CTBP2: variants seen among roughly 807,000 people sequenced by gnomAD.
CTBP2 encodes C-terminal-binding protein 2.
A neutral mutation model predicts 80.3 loss-of-function variants in CTBP2; 30 were observed. The ratio of observed to expected loss-of-function variants is 0.37; its 90% CI spans 0.28 to 0.51. CTBP2 has a LOEUF of 0.51. Ranked by LOEUF, CTBP2 falls within the 20% of genes least tolerant of loss-of-function variation. The pLI is 0.93. For missense variants in CTBP2, 1,212 were observed against 1,375.3 expected, an observed-to-expected ratio of 0.88 and a Z score of 1.88; for synonymous variants, 594 against 587.4, an observed-to-expected ratio of 1.01 and a Z score of -0.16.
intron 1 of CTBP2, among the ~76,000 whole-genome samples, chr10:125,009,022 A>G (rs531387164): frequency 4.8e-4 from 73 of 152,294 alleles, no homozygotes; most frequent in African/African-American, 1.1e-3. Context: ...TTGCTAGCCA[A>G]TCGGGACAAA....
In CTBP2 at chr10:124,993,531, A is replaced by G. The variant is rs1953010352; in HGVS notation, c.2532-202T>C. The stretch of plus-strand genomic sequence containing the variant: ...GTTGTGTAAGAACCGTATAATTGGT[A>G]GATCAAAAAGCCCAATTCTATTGAA... On this transcript the variant is annotated intron_variant, in intron 6 of 8. Transcript: ENST00000309035. Among the ~76,000 whole-genome samples, 5 of 152,204 alleles carry G rather than the reference A, an allele frequency of 3.3e-5. No homozygotes were observed. In the South Asian group the frequency reaches 1.0e-3, roughly 32 times the overall value.
intron 2 of CTBP2, among the ~76,000 whole-genome samples, chr10:125,041,057 A>C (rs1232691508): frequency 6.6e-6 from 1 of 152,180 alleles, no homozygotes. Flanking sequence ...ATGTGGACGT[A>C]TTTTAAAAAT....
chr10:125,082,405 A>C (rs767293464), intron 2 of CTBP2, among the ~76,000 whole-genome samples: 18 of 152,132 alleles, frequency 1.2e-4, no homozygotes, highest in Non-Finnish European at 1.6e-4. Flanking sequence ...TAACTTCCCC[A>C]AAAAGCTCCT....
chr10:125,126,649 TC>T (rs1380830140), intron 1 of CTBP2, among the ~76,000 whole-genome samples: 2 of 152,240 alleles, frequency 1.3e-5, no homozygotes, highest in African/African-American at 4.8e-5. Context: ...CCTCCCGGCC[TC>T]GGCCCCAGAG....
chr10:125,062,188 G>A (rs542918935), intron 2 of CTBP2, among the ~76,000 whole-genome samples: 2 of 152,310 alleles, frequency 1.3e-5, no homozygotes, highest in African/African-American at 2.4e-5. Context: ...AGCAGGGGAC[G>A]ACTGAGTCCA....
intron 1 of CTBP2, among the ~76,000 whole-genome samples, chr10:125,143,237 C>T (rs552483898): frequency 1.3e-5 from 2 of 152,322 alleles, no homozygotes; most frequent in African/African-American, 4.8e-5. Context: ...CCTGTAATCC[C>T]AGCACTTTGG....
chr10:125,004,892 A>G lies in CTBP2; in HGVS notation c.1679-1400T>C, dbSNP rs115717762. Among the ~76,000 whole-genome samples the G allele has an allele frequency of 4.7e-3, 714 of 152,308 alleles. 3 individuals are homozygous for G. Among genetic ancestry groups the G allele is most frequent in the African/African-American group, 0.015 (633 of 41,558 alleles). On this transcript the variant is annotated intron_variant, in intron 1 of 8. Transcript: ENST00000309035. ...AAGCAGGAGCCTTCCACAAAGGCCAACTTCATCTGTGTGGCCTCGCCTTCC... is the reference window on the plus strand; with the variant it reads ...AAGCAGGAGCCTTCCACAAAGGCCAGCTTCATCTGTGTGGCCTCGCCTTCC...
chr10:125,037,161 C>T (rs1187980733), intron 3 of CTBP2, among the ~76,000 whole-genome samples: 1 of 152,222 alleles, frequency 6.6e-6, no homozygotes, highest in Admixed American at 6.5e-5. Flanking sequence ...TTTCCTATTA[C>T]ACATGAAGGG....
intron 1 of CTBP2, among the ~76,000 whole-genome samples, chr10:125,135,226 GGA>G (rs1856809196): frequency 6.6e-6 from 1 of 152,100 alleles, no homozygotes; most frequent in Non-Finnish European, 1.5e-5. Flanking sequence ...CCAATGCCCA[GGA>G]ATGCCTCCAG....
At chr10:125,021,588 C>T (rs1189919312) in intron 1 of CTBP2, among the ~76,000 whole-genome samples, 5 of 152,060 alleles carry the variant, frequency 3.3e-5, no homozygotes, top group Admixed American at 1.3e-4. Flanking sequence ...AGGGCAGCAA[C>T]GGGCAGGAGG....
In CTBP2 at chr10:125,026,693, C is replaced by T. The variant is rs562148270; in HGVS notation, c.1067G>A (p.Arg356Gln). Residue 356 changes from arginine to glutamine, a missense_variant, in exon 1 of 9, where the codon CGG becomes CAG. Coordinates refer to ENST00000309035, the MANE Select transcript of CTBP2 (RefSeq NM_022802.3). Reference sequence around the variant, plus strand: ...CAGCGGGCCCCCCCGGTCCTGCCTCCGCAGCTGCATTTCGGTCCTGCAGCT... The same window carrying T: ...CAGCGGGCCCCCCCGGTCCTGCCTCTGCAGCTGCATTTCGGTCCTGCAGCT... The T allele has an allele frequency of 5.4e-5, 87 of 1,611,422 alleles. No homozygotes were observed. The highest frequency in any genetic ancestry group is 1.7e-4 in the Middle Eastern group (1 of 6,022).
rs11245505 is a variant in CTBP2, at chr10:125,107,355, C to T, written c.-102+3635G>A. Among the ~76,000 whole-genome samples the T allele has an allele frequency of 5.5e-3, 837 of 152,308 alleles. 7 individuals carry two copies. Among genetic ancestry groups the T allele is most frequent in the African/African-American group, 0.019 (793 of 41,566 alleles). On this transcript the variant is annotated intron_variant, in intron 2 of 10. Transcript: ENST00000337195. ...TCACACGGCCCTAGCAAAGGCCCCACGGATGCATGCAGGCCAGGAGCTCAG... is the reference window on the plus strand; with the variant it reads ...TCACACGGCCCTAGCAAAGGCCCCATGGATGCATGCAGGCCAGGAGCTCAG...
intron 2 of CTBP2, among the ~76,000 whole-genome samples, chr10:125,093,143 G>A (rs149252386): frequency 3.3e-5 from 5 of 152,226 alleles, no homozygotes; most frequent in South Asian, 2.1e-4. Context: ...TGTTTCCTTC[G>A]TCAGATCCAT....
chr10:124,993,751 G>A lies in CTBP2; in HGVS notation c.2531+104C>T, dbSNP rs1266634585. The stretch of plus-strand genomic sequence containing the variant: ...GTAAATGTCATCTCTGGAGTTTCCT[G>A]CCCAGGGACCTGTTTGGGAAAAGGG... On this transcript the variant is annotated intron_variant, in intron 6 of 8. Transcript: ENST00000309035. The A allele has an allele frequency of 4.4e-6, 6 of 1,377,500 alleles. No individual in the cohort carries two copies. The South Asian group carries it at 5.5e-5, about 13-fold the overall frequency. The allele number at this position is 1,377,500 out of a possible 1,614,324, so 85.3% of individuals were successfully genotyped here. A position where few individuals can be genotyped will look rare whatever the true frequency, so the allele number is the denominator to read the frequency against.
intron 2 of CTBP2, among the ~76,000 whole-genome samples, chr10:125,078,328 C>T (rs533714395): frequency 3.4e-5 from 5 of 148,584 alleles, no homozygotes; most frequent in African/African-American, 9.9e-5. Flanking sequence ...TGGGCTTGGG[C>T]GTTGAGATCA....
intron 1 of CTBP2, among the ~76,000 whole-genome samples, chr10:125,114,466 T>TATATAGGAAA (rs1852855782): frequency 2.6e-5 from 4 of 152,010 alleles, no homozygotes; most frequent in African/African-American, 4.8e-5. Flanking sequence ...TCCTGCACCT[T>TATATAGGAAA]CCACATATAG....
intron 2 of CTBP2, among the ~76,000 whole-genome samples, chr10:125,069,887 T>TCCCCCC (rs374304058): frequency 1.5e-5 from 1 of 64,600 alleles, no homozygotes; most frequent in Non-Finnish European, 3.6e-5. Context: ...CCTGCCCCCC[T>TCCCCCC]CCCCCCCCCA....
At chr10:125,073,525 G>A (rs1357207040) in intron 2 of CTBP2, among the ~76,000 whole-genome samples, 1 of 152,236 alleles carries the variant, frequency 6.6e-6, no homozygotes, top group Non-Finnish European at 1.5e-5. Flanking sequence ...ACAGGCGTGA[G>A]CCATCATGCA....
intron 2 of CTBP2, among the ~76,000 whole-genome samples, chr10:125,102,709 T>G (rs1253457093): frequency 6.6e-6 from 1 of 152,232 alleles, no homozygotes; most frequent in East Asian, 1.9e-4. Flanking sequence ...AATGTGGGAC[T>G]GGGGCCGTCA....
Sources: gnomAD v4.1 joint callset for allele counts (sites outside exome capture counted in the v4.1 genomes callset) on GRCh38, gnomAD v4.1.1 for gene constraint, MANE v1.5 for transcripts, NCBI Gene and HGNC (gene_info 2026-07-23, HGNC 2026-07-21) for gene names.